The following ZNF415 variants were observed in gnomAD, a reference collection of about 807,000 sequenced individuals.
The protein encoded by ZNF415 is zinc finger protein 415.
Under a neutral mutation model 7.3 loss-of-function variants are expected in ZNF415, and 5 were observed. The observed-to-expected ratio is 0.69, with a 90% confidence interval of 0.36 to 1.44. ZNF415 has a LOEUF of 1.44. Ranked by LOEUF, ZNF415 falls within the 40% of genes most tolerant of loss-of-function variation. The probability of loss-of-function intolerance (pLI) is 0.04; values close to 1 mark genes in which losing one functional copy is unlikely to be tolerated. For synonymous variants in ZNF415, 207 were observed against 226.3 expected (o/e 0.91, Z 0.77); for missense variants, 628 against 664.8 (o/e 0.94, Z 0.61).
intron 2 of ZNF415, among the ~76,000 whole-genome samples, chr19:53,120,710 AC>A (rs1277300462): frequency 1.3e-5 from 2 of 152,192 alleles, no homozygotes; most frequent in African/African-American, 4.8e-5. Flanking sequence ...CAAAACTGTT[AC>A]CATTTTTACC....
rs773278907 is a variant in ZNF415, at chr19:53,116,420, T to A, written c.29A>T (p.Asp10Val). Reference protein sequence around the residue: MAFTQLTFRDVAIEFSQDEW... With the variant: MAFTQLTFRVVAIEFSQDEW... ...ATCTTGAGAGAATTCGATGGCCACGTCCCTGAATGTCAACTGTCCGTAAAA... is the reference window on the plus strand; with the variant it reads ...ATCTTGAGAGAATTCGATGGCCACGACCCTGAATGTCAACTGTCCGTAAAA... Residue 10 changes from aspartate (D) to valine (V), a missense_variant, in exon 3 of 4, where the codon GAC becomes GTC. Transcript: ENST00000243643. The A allele has an allele frequency of 6.2e-7, 1 of 1,614,114 alleles. No homozygotes were observed. Among genetic ancestry groups the A allele is most frequent in the African/African-American group, 1.3e-5 (1 of 75,016 alleles).
chr19:53,130,668 G>GA (rs2089946791), intron 1 of ZNF415, among the ~76,000 whole-genome samples: 1 of 150,528 alleles, frequency 6.6e-6, no homozygotes, highest in South Asian at 2.1e-4. Flanking sequence ...TTTGTTCTTT[G>GA]TTTTTTTTTC....
intron 3 of ZNF415, among the ~76,000 whole-genome samples, chr19:53,114,515 A>C (rs2086710186): frequency 6.6e-6 from 1 of 152,194 alleles, no homozygotes; most frequent in Non-Finnish European, 1.5e-5. Flanking sequence ...AGAGAAAACA[A>C]AATCAGGAAG....
At chr19:53,120,383 A>T (rs965049821) in intron 2 of ZNF415, among the ~76,000 whole-genome samples, 4 of 152,202 alleles carry the variant, frequency 2.6e-5, no homozygotes, top group African/African-American at 9.7e-5. Flanking sequence ...TACCCTAACA[A>T]AACATTTACT....
intron 3 of ZNF415, among the ~76,000 whole-genome samples, chr19:53,110,572 C>G (rs57098159): frequency 0.042 from 6,408 of 152,150 alleles, 183 homozygotes; most frequent in Middle Eastern, 0.092. Context: ...AAAAACCCAT[C>G]ATCTGTAAAC....
intron 3 of ZNF415, among the ~76,000 whole-genome samples, chr19:53,112,212 C>T (rs563594404): frequency 2.6e-5 from 4 of 152,200 alleles, no homozygotes; most frequent in South Asian, 2.1e-4. Context: ...CAAAAGTACT[C>T]GGATTACAGG....
chr19:53,131,063 CTTTTTTTTTT>C (rs59835974), intron 1 of ZNF415, among the ~76,000 whole-genome samples: 12 of 51,588 alleles, frequency 2.3e-4, no homozygotes, highest in Non-Finnish European at 3.1e-4. Context: ...TTTCTTGCAA[CTTTTTTTTTT>C]TTTTTTTTTT....
chr19:53,132,309 C>G (rs1661930), intron 1 of ZNF415, among the ~76,000 whole-genome samples: 84,223 of 151,964 alleles, frequency 0.55, 25,543 homozygotes, highest in African/African-American at 0.82. Context: ...GCATTTTCCA[C>G]GGGGTGGAGG....
Position 53,122,694 on chromosome 19 carries a change from T to A in ZNF415, c.-18A>T. 2 of 1,614,144 alleles carry A rather than the reference T, an allele frequency of 1.2e-6. No individual in the cohort carries two copies. The highest frequency in any genetic ancestry group is 1.7e-6 in the Non-Finnish European group (2 of 1,180,004). On this transcript the variant is annotated 5_prime_UTR_variant, in exon 2 of 4. Transcript: ENST00000243643. ...AAAGCCATTCCTGACTCCTTTGCTC[T>A]CCTCTTCTGGGTTTCTTCCTCATGT... is the stretch of plus-strand genomic sequence containing the variant.
chr19:53,114,566 G>A (rs527349309), intron 3 of ZNF415, among the ~76,000 whole-genome samples: 13 of 152,242 alleles, frequency 8.5e-5, no homozygotes, highest in African/African-American at 2.4e-4. Flanking sequence ...TGAGACCAAC[G>A]GAAAAGAGAG....
intron 3 of ZNF415, among the ~76,000 whole-genome samples, chr19:53,111,909 A>C (rs980953986): frequency 5.3e-5 from 8 of 152,186 alleles, no homozygotes; most frequent in Non-Finnish European, 1.2e-4. Flanking sequence ...GAGAAAAACA[A>C]GACTAAATCC....
At chr19:53,116,608 T>A (rs1345822961) in intron 2 of ZNF415, among the ~76,000 whole-genome samples, 175 bp from the exon 3 acceptor site, 4 of 82,494 alleles carry the variant, frequency 4.8e-5, no homozygotes, top group Non-Finnish European at 9.6e-5. Context: ...TGGTTTTTTT[T>A]CTCTCTTTTT....
chr19:53,113,627 G>A (rs529037580), intron 3 of ZNF415, among the ~76,000 whole-genome samples: 1 of 151,950 alleles, frequency 6.6e-6, no homozygotes, highest in South Asian at 2.1e-4. Context: ...ACAAGAGGGA[G>A]GTTTGAACCT....
rs963498279 is a variant in ZNF415 at position 53,131,155 on chromosome 19, A to G, written c.-68+1701T>C. 4.5e-5 allele frequency among the ~76,000 whole-genome samples: 6 copies of G among 134,818 alleles called. No individual in the cohort carries two copies. In the East Asian group the frequency reaches 8.8e-4, roughly 20 times the overall value. 88.4% of individuals were successfully genotyped at this position (134,818 alleles called of 152,430 possible). A position where few individuals can be genotyped will look rare whatever the true frequency, so the allele number is the denominator to read the frequency against. ...GTGGCCCAAGACAATTCTTCTTCCA[A>G]TGTGGCCCAGGGAAGCCAAAAGATT... On this transcript the variant is annotated intron_variant, in intron 1 of 3. Coordinates refer to ENST00000243643, the MANE Select transcript of ZNF415 (RefSeq NM_018355.4).
At position 53,108,965 on chromosome 19, in the gene ZNF415, T is replaced by G. The variant is rs1194015629; in HGVS notation, c.1080A>C (p.Glu360Asp). 1.2e-6 allele frequency: 2 copies of G among 1,614,142 alleles called. No homozygotes were observed. Among genetic ancestry groups the G allele is most frequent in the Non-Finnish European group, 1.7e-6 (2 of 1,180,022 alleles). The change falls in exon 4 of 4, where the codon GAA (glutamate) becomes GAC (aspartate). Residue 360 changes from glutamate (E) to aspartate (D), a missense_variant. Glu to Asp is a conservative substitution (Grantham distance 45, BLOSUM62 2). Coordinates refer to ENST00000243643, the MANE Select transcript of ZNF415 (RefSeq NM_018355.4). ...AAGTCTGACTGAACACCTTGCCACA[T>G]TCATTGCATTTGTAAGGTTTCTTGC... ...HSGKKPYKCN[E>D]CGKVFSQTSS...
At chr19:53,125,552 C>T (rs929762153) in intron 1 of ZNF415, among the ~76,000 whole-genome samples, 2 of 152,006 alleles carry the variant, frequency 1.3e-5, no homozygotes, top group Non-Finnish European at 1.5e-5. Context: ...TACCTAGGCT[C>T]GTCTCAAACT....
intron 1 of ZNF415, chr19:53,123,632 G>A (rs1295318691): frequency 1.0e-5 from 4 of 398,714 alleles, no homozygotes; most frequent in Non-Finnish European, 1.8e-5. Flanking sequence ...GAGGACACAG[G>A]CAGGAGATGA....
intron 1 of ZNF415, 48 bp from the exon 2 acceptor site, chr19:53,122,791 C>A: frequency 7.0e-7 from 1 of 1,424,368 alleles, no homozygotes; most frequent in South Asian, 1.2e-5. Context: ...ACAACACACC[C>A]CCTCTTGTGT....
intron 2 of ZNF415, among the ~76,000 whole-genome samples, chr19:53,117,259 T>C (rs2087206303): frequency 6.6e-6 from 1 of 151,998 alleles, no homozygotes; most frequent in African/African-American, 2.4e-5. Flanking sequence ...CTGACCAACA[T>C]GGAGAAACCC....
Sources: allele counts gnomAD v4.1 joint callset (sites outside exome capture counted in the v4.1 genomes callset), GRCh38; gene constraint gnomAD v4.1.1; transcripts MANE v1.5; gene names NCBI Gene and HGNC (gene_info 2026-07-23, HGNC 2026-07-21).